Variants in RAP1A observed in about 807,000 individuals in gnomAD.
RAP1A encodes the protein ras-related protein Rap-1A.
A neutral mutation model predicts 26.4 loss-of-function variants in RAP1A; 6 were observed. That is an observed-to-expected ratio of 0.23 (90% CI 0.12 to 0.45). The LOEUF is 0.45. Ranked by LOEUF, RAP1A falls within the 20% of genes least tolerant of loss-of-function variation. The pLI, the probability that RAP1A is intolerant of heterozygous loss-of-function variation, is 0.99. For synonymous variants in RAP1A, 73 were observed against 79.4 expected (o/e 0.92, Z 0.43); for missense variants, 121 against 217.2 (o/e 0.56, Z 2.78).
At chr1:111,686,792 T>A (rs951311576) in intron 1 of RAP1A, 2 of 150,568 alleles carry the variant, frequency 1.3e-5, no homozygotes, top group African/African-American at 4.9e-5. Context: ...CTGTTTAAAG[T>A]AGGTAGGGAT....
At chr1:111,588,485 G>T (rs60917168) in intron 1 of RAP1A, among the ~76,000 whole-genome samples, 36,666 of 152,010 alleles carry the variant, frequency 0.24, 4,799 homozygotes, top group East Asian at 0.35. Context: ...TTAAAACATG[G>T]AACACACAAG....
intron 1 of RAP1A, among the ~76,000 whole-genome samples, chr1:111,628,240 C>G (rs1659459241): frequency 6.6e-6 from 1 of 152,158 alleles, no homozygotes; most frequent in Non-Finnish European, 1.5e-5. Context: ...CAAGAAATAT[C>G]TCATTTTTGT....
At position 111,646,982 on chromosome 1, in the gene RAP1A, G is replaced by A. The variant is rs78531630; in HGVS notation, c.-28+27048G>A. ...TTAAAGTTTTTTTATTGTTAAATTT[G>A]GGTAACTGGTCATATTTTCCTTTGT... On this transcript the variant is annotated intron_variant, in intron 1 of 7. Coordinates refer to ENST00000369709, the MANE Select transcript of RAP1A (RefSeq NM_002884.4). Among the ~76,000 whole-genome samples, 1,315 of 152,224 alleles carry A rather than the reference G, an allele frequency of 8.6e-3. 17 individuals are homozygous for A. The highest frequency in any genetic ancestry group is 0.03 in the African/African-American group (1,259 of 41,532).
At chr1:111,600,073 C>G (rs75455974) in intron 1 of RAP1A, 7,852 of 154,170 alleles carry the variant, frequency 0.051, 257 homozygotes, top group South Asian at 0.089. Flanking sequence ...AAGCAGATGC[C>G]GGCACCATGC....
At chr1:111,653,993 C>T (rs1240382641) in intron 1 of RAP1A, among the ~76,000 whole-genome samples, 1 of 152,154 alleles carries the variant, frequency 6.6e-6, no homozygotes, top group Non-Finnish European at 1.5e-5. Context: ...AAAGACAAGG[C>T]GAGTCTCTTG....
intron 1 of RAP1A, among the ~76,000 whole-genome samples, chr1:111,682,851 C>T (rs1661341524): frequency 6.6e-6 from 1 of 152,136 alleles, no homozygotes; most frequent in African/African-American, 2.4e-5. Flanking sequence ...AACCGTCCAC[C>T]CCAAATCAAC....
At chr1:111,630,012 C>G (rs577454692) in intron 1 of RAP1A, among the ~76,000 whole-genome samples, 1 of 152,216 alleles carries the variant, frequency 6.6e-6, no homozygotes, top group Non-Finnish European at 1.5e-5. Flanking sequence ...GGCATTGCCA[C>G]TATGATGGCC....
intron 4 of RAP1A, among the ~76,000 whole-genome samples, chr1:111,699,181 C>T (rs1221643665): frequency 6.6e-6 from 1 of 152,142 alleles, no homozygotes; most frequent in Non-Finnish European, 1.5e-5. Context: ...TCACTCCTTA[C>T]ACTTTGAAGA....
chr1:111,550,997 T>G (rs1170282618), intron 1 of RAP1A, among the ~76,000 whole-genome samples: 1 of 152,236 alleles, frequency 6.6e-6, no homozygotes, highest in Non-Finnish European at 1.5e-5. Context: ...TTGTCTCTCA[T>G]GACAATTTTT....
chr1:111,561,393 A>G (rs2101047796), intron 1 of RAP1A, among the ~76,000 whole-genome samples: 1 of 152,322 alleles, frequency 6.6e-6, no homozygotes, highest in South Asian at 2.1e-4. Context: ...CAGTGCTGGG[A>G]TTACAGGCGT....
At chr1:111,596,999 G>A (rs1292425423) in intron 1 of RAP1A, among the ~76,000 whole-genome samples, 1 of 152,186 alleles carries the variant, frequency 6.6e-6, no homozygotes, top group Admixed American at 6.5e-5. Context: ...CCGGGCGAAA[G>A]GTGTGGGCTG....
At chr1:111,588,651 G>T (rs1279374601) in intron 1 of RAP1A, among the ~76,000 whole-genome samples, 1 of 151,920 alleles carries the variant, frequency 6.6e-6, no homozygotes, top group Non-Finnish European at 1.5e-5. Context: ...CTTATCTCTG[G>T]CCCAGCTTAC....
At chr1:111,639,927 A>G (rs988370925) in intron 1 of RAP1A, among the ~76,000 whole-genome samples, 1 of 152,266 alleles carries the variant, frequency 6.6e-6, no homozygotes, top group African/African-American at 2.4e-5. Flanking sequence ...GAAAATTAAC[A>G]TCACAATGGT....
intron 1 of RAP1A, among the ~76,000 whole-genome samples, chr1:111,667,987 T>C (rs1465776466): frequency 6.6e-6 from 1 of 152,142 alleles, no homozygotes; most frequent in Non-Finnish European, 1.5e-5. Flanking sequence ...CCACCGAGTG[T>C]CTGTGCACCC....
upstream of RAP1A, among the ~76,000 whole-genome samples, chr1:111,619,142 G>A (rs529929023): frequency 6.6e-5 from 10 of 152,316 alleles, no homozygotes; most frequent in South Asian, 1.9e-3. Flanking sequence ...CAACATGGCA[G>A]GCGTATCCCC....
chr1:111,578,721 C>T (rs1225481129), intron 1 of RAP1A, among the ~76,000 whole-genome samples: 1 of 152,164 alleles, frequency 6.6e-6, no homozygotes, highest in African/African-American at 2.4e-5. Context: ...TCTGGGTATC[C>T]TAGAATCCAA....
intron 1 of RAP1A, among the ~76,000 whole-genome samples, chr1:111,655,280 A>G (rs566541409): frequency 6.6e-6 from 1 of 151,818 alleles, no homozygotes; most frequent in South Asian, 2.1e-4. Flanking sequence ...AAAAAAAACA[A>G]CAGAAATTAA....
intron 1 of RAP1A, among the ~76,000 whole-genome samples, chr1:111,566,535 C>T (rs1657921692): frequency 6.6e-6 from 1 of 152,158 alleles, no homozygotes; most frequent in African/African-American, 2.4e-5. Flanking sequence ...TTCCCCCTGA[C>T]CGTAAACATT....
chr1:111,576,865 A>G (rs1436618995), intron 1 of RAP1A, among the ~76,000 whole-genome samples: 1 of 152,080 alleles, frequency 6.6e-6, no homozygotes. Context: ...GGGAAAACAA[A>G]CTCAACCTTG....
Sources: gnomAD v4.1 joint callset for allele counts (sites outside exome capture counted in the v4.1 genomes callset) on GRCh38, gnomAD v4.1.1 for gene constraint, MANE v1.5 for transcripts, NCBI Gene and HGNC (gene_info 2026-07-23, HGNC 2026-07-21) for gene names.